Variants in FUT8 observed in about 807,000 individuals in gnomAD.
FUT8 encodes alpha-(1,6)-fucosyltransferase.
A neutral mutation model predicts 71.3 loss-of-function variants in FUT8; 29 were observed. The ratio of observed to expected loss-of-function variants is 0.41; its 90% CI spans 0.30 to 0.55. The LOEUF (loss-of-function observed/expected upper bound fraction) is 0.55, where lower values mean the gene tolerates loss of function less well. Among genes scored for constraint, FUT8 ranks in the 20% least tolerant of loss-of-function variants. The pLI is 0.34. For synonymous variants in FUT8, 254 were observed against 239.3 expected (o/e 1.06, Z -0.57); for missense variants, 544 against 702.1 (o/e 0.77, Z 2.55).
intron 2 of FUT8, among the ~76,000 whole-genome samples, chr14:65,528,365 C>G (rs984783207): frequency 1.3e-5 from 2 of 152,240 alleles, no homozygotes; most frequent in East Asian, 1.9e-4. Flanking sequence ...GGGATATAAT[C>G]TCCCGGTGTG....
chr14:65,413,482 TG>T lies in FUT8; in HGVS notation c.-326+269del, dbSNP rs539134549. On this transcript the variant is annotated intron_variant, in intron 1 of 10. Coordinates refer to ENST00000673929, the MANE Select transcript of FUT8 (RefSeq NM_001371533.1). The surrounding 1 kb of genome is among the most constrained non-coding windows in gnomAD (Gnocchi z 4.1). ...CCGGGACGCGGAGCTGCGCCGCTGC[TG>T]CCCTCGGCGTCGCGCATCCTTGCCT... Among the ~76,000 whole-genome samples, 6 of 148,098 alleles carry T rather than the reference TG, an allele frequency of 4.1e-5. No individual in the cohort carries two copies. The highest frequency in any genetic ancestry group is 3.3e-4 in the Admixed American group (5 of 14,990).
At chr14:65,532,990 C>T (rs1884059182) in intron 2 of FUT8, among the ~76,000 whole-genome samples, 1 of 152,000 alleles carries the variant, frequency 6.6e-6, no homozygotes, top group African/African-American at 2.4e-5. Flanking sequence ...TTCCATTGGT[C>T]TGTGTGTCTG....
intron 2 of FUT8, chr14:65,516,149 T>C (rs1882691936): frequency 1.3e-5 from 2 of 151,414 alleles, no homozygotes; most frequent in Non-Finnish European, 2.9e-5. Flanking sequence ...CATGGTACTC[T>C]AGCCTAGGCA....
At chr14:65,728,283 A>ACT (rs1274834298) in intron 9 of FUT8, among the ~76,000 whole-genome samples, 1 of 152,224 alleles carries the variant, frequency 6.6e-6, no homozygotes, top group African/African-American at 2.4e-5. Context: ...ATAAAGACAT[A>ACT]CTCAGGACTG....
chr14:65,467,580 G>A lies in FUT8; in HGVS notation c.-228+11862G>A, dbSNP rs926339840. Among the ~76,000 whole-genome samples, 3 of 152,048 alleles carry A rather than the reference G, an allele frequency of 2.0e-5. No homozygotes were observed. The highest frequency in any genetic ancestry group is 2.9e-5 in the Non-Finnish European group (2 of 67,994). On this transcript the variant is annotated intron_variant, in intron 2 of 10. Coordinates refer to ENST00000673929, the MANE Select transcript of FUT8 (RefSeq NM_001371533.1). The surrounding 1 kb of genome is among the most constrained non-coding windows in gnomAD (Gnocchi z 4.1). ...CAACCTCCACCTCCTGGGTTCAAGC[G>A]ATCCTCCTGCCTCAGCCTCCTGAGT...
At chr14:65,738,498 G>A (rs1336553579) in intron 10 of FUT8, among the ~76,000 whole-genome samples, 1 of 151,796 alleles carries the variant, frequency 6.6e-6, no homozygotes, top group Non-Finnish European at 1.5e-5. Flanking sequence ...TGTGCTTTAC[G>A]ATGTACTAAA....
At chr14:65,683,235 G>A (rs181354564) in intron 7 of FUT8, among the ~76,000 whole-genome samples, 24 of 152,072 alleles carry the variant, frequency 1.6e-4, no homozygotes, top group Admixed American at 2.6e-4. Context: ...GGCTGGTCTC[G>A]AACTCCTGAC....
At chr14:65,480,286 GA>G (rs1452055393) in intron 2 of FUT8, among the ~76,000 whole-genome samples, 5 of 143,184 alleles carry the variant, frequency 3.5e-5, no homozygotes, top group African/African-American at 1.3e-4. Flanking sequence ...GCAAACTGCA[GA>G]AATGAACTGT....
intron 2 of FUT8, among the ~76,000 whole-genome samples, chr14:65,479,447 CAGTTGGTG>C (rs2066295795): frequency 6.6e-6 from 1 of 152,152 alleles, no homozygotes; most frequent in African/African-American, 2.4e-5. Flanking sequence ...TAGTATTTCT[CAGTTGGTG>C]GAAAGGATCT....
chr14:65,357,086 A>G, the FUT8 span, among the ~76,000 whole-genome samples: 3 of 152,210 alleles, frequency 2.0e-5, no homozygotes, highest in Admixed American at 2.0e-4. Context: ...TTCACTTACT[A>G]GGTGTGTGAC....
chr14:65,392,883 G>A, the FUT8 span, among the ~76,000 whole-genome samples: 1 of 152,208 alleles, frequency 6.6e-6, no homozygotes, highest in Non-Finnish European at 1.5e-5. Flanking sequence ...CTGAGTTTTA[G>A]AAAACAACAA....
chr14:65,467,887 A>C lies in FUT8; in HGVS notation c.-228+12169A>C. 2.6e-6 allele frequency: 2 copies of C among 776,948 alleles called. No individual in the cohort carries two copies. The highest frequency in any genetic ancestry group is 2.7e-5 in the South Asian group (2 of 74,696). The allele number at this position is 776,948 out of a possible 1,614,324, so 48.1% of individuals were successfully genotyped here. ...GTTCTCACAAAGTGTGCTTCTCTGG[A>C]TGGAGCAGGCTGGTGCTTCAGTAGA... is the stretch of plus-strand genomic sequence containing the variant. On this transcript the variant is annotated intron_variant, in intron 2 of 10. Transcript: ENST00000673929. This position sits in a 1 kb window ranked among gnomAD's most constrained non-coding sequence, Gnocchi z 4.1.
At chr14:65,460,483 C>T (rs1228849300) in intron 2 of FUT8, among the ~76,000 whole-genome samples, 1 of 152,084 alleles carries the variant, frequency 6.6e-6, no homozygotes, top group Non-Finnish European at 1.5e-5. Flanking sequence ...CTTGGTTTTC[C>T]TTTCATTGGC....
chr14:65,450,459 G>C (rs777553668), intron 1 of FUT8, among the ~76,000 whole-genome samples: 2 of 152,034 alleles, frequency 1.3e-5, no homozygotes, highest in Admixed American at 1.3e-4. Flanking sequence ...TGTTCAGTTA[G>C]TCTACAGCAG....
upstream of FUT8, among the ~76,000 whole-genome samples, chr14:65,406,697 A>G (rs1471299995): frequency 6.6e-6 from 1 of 152,078 alleles, no homozygotes; most frequent in Non-Finnish European, 1.5e-5. Context: ...TACCACGCCC[A>G]GCTAATTTTT....
intron 7 of FUT8, 106 bp from the exon 8 acceptor site, chr14:65,721,669 C>G: frequency 9.0e-7 from 1 of 1,110,432 alleles, no homozygotes; most frequent in East Asian, 2.4e-5. Context: ...GATTATACTT[C>G]TTTAGAGTTG....
intron 6 of FUT8, among the ~76,000 whole-genome samples, chr14:65,664,708 C>T (rs1440613049): frequency 6.6e-6 from 1 of 152,078 alleles, no homozygotes; most frequent in Admixed American, 6.6e-5. Context: ...CTTGACAGGA[C>T]AGATAATATC....
chr14:65,510,601 A>G (rs1882272242), intron 2 of FUT8, among the ~76,000 whole-genome samples: 2 of 151,894 alleles, frequency 1.3e-5, no homozygotes, highest in South Asian at 4.2e-4. Flanking sequence ...CTTCAATTTC[A>G]TTATTTATTA....
intron 6 of FUT8, among the ~76,000 whole-genome samples, chr14:65,641,401 A>G (rs1365831303): frequency 2.0e-5 from 3 of 152,122 alleles, no homozygotes; most frequent in African/African-American, 7.2e-5. Flanking sequence ...GCCAAAATTT[A>G]CTTATTTGCC....
Sources: allele counts gnomAD v4.1 joint callset (sites outside exome capture counted in the v4.1 genomes callset), GRCh38; gene constraint gnomAD v4.1.1; non-coding constraint Gnocchi (gnomAD v3.1); transcripts MANE v1.5; gene names NCBI Gene and HGNC (gene_info 2026-07-23, HGNC 2026-07-21).